The following TENM1 variants were observed in gnomAD, a reference collection of about 807,000 sequenced individuals.
The protein encoded by TENM1 is teneurin transmembrane protein 1.
Under a neutral mutation model 174.8 loss-of-function variants are expected in TENM1, and 35 were observed. The observed-to-expected ratio is 0.20, with a 90% CI of 0.15 to 0.27. The LOEUF (loss-of-function observed/expected upper bound fraction) is 0.27. Among genes scored for constraint, TENM1 ranks in the 10% least tolerant of loss-of-function variants. The pLI, the probability that TENM1 is intolerant of heterozygous loss-of-function variation, is 1.00. For missense variants in TENM1, 1,633 were observed against 2,130.1 expected (o/e 0.77, Z 4.59); for synonymous variants, 781 against 798.7 (o/e 0.98, Z 0.37).
At chrX:124,942,756 T>C (rs892872531) in intron 1 of TENM1, among the ~76,000 whole-genome samples, 11 of 111,750 alleles carry the variant, frequency 9.8e-5, no homozygotes, top group Non-Finnish European at 1.9e-4. Flanking sequence ...AGCATATAAC[T>C]TGGAAGTCAT....
intron 3 of TENM1, among the ~76,000 whole-genome samples, chrX:124,817,062 C>T (rs2055912940): frequency 9.1e-6 from 1 of 110,217 alleles, no homozygotes; most frequent in Non-Finnish European, 1.9e-5. Flanking sequence ...CAACAGGCCC[C>T]AATGTGTGAT....
exon 3 of TENM1, chrX:124,894,320 C>T (rs1377426701): frequency 3.3e-6 from 4 of 1,200,450 alleles, no homozygotes; most frequent in Non-Finnish European, 4.5e-6. Flanking sequence ...GCTTGAGCCT[C>T]CATGTCACAA....
the TENM1 span, among the ~76,000 whole-genome samples, chrX:124,990,580 T>C: frequency 8.9e-6 from 1 of 112,894 alleles, no homozygotes; most frequent in African/African-American, 3.2e-5. Context: ...TAATATCACC[T>C]TCTCCCACAA....
At chrX:124,858,223 T>G (rs978324761) in intron 3 of TENM1, among the ~76,000 whole-genome samples, 3 of 112,604 alleles carry the variant, frequency 2.7e-5, no homozygotes, top group Non-Finnish European at 3.8e-5. Context: ...TGCTAACAGA[T>G]GTTTTCACTT....
At chrX:125,127,039 A>G in the TENM1 span, among the ~76,000 whole-genome samples, 1 of 111,586 alleles carries the variant, frequency 9.0e-6, no homozygotes, top group African/African-American at 3.3e-5. Context: ...ATGAACTCTC[A>G]TTTGGCCACT....
the TENM1 span, among the ~76,000 whole-genome samples, chrX:125,196,381 T>C: frequency 2.7e-5 from 3 of 111,639 alleles, no homozygotes; most frequent in East Asian, 2.8e-4. Flanking sequence ...CCACAATGTA[T>C]GTATGTTTTC....
intron 4 of TENM1, among the ~76,000 whole-genome samples, chrX:124,715,614 TTTTTCCTTTTCTTTTC>T (rs372688942): frequency 1.6e-3 from 178 of 110,496 alleles, no homozygotes; most frequent in Non-Finnish European, 2.8e-3. Context: ...CTTTTCTTTT[TTTTTCCTTTTCTTTTC>T]TTTTCCTTTT....
chrX:124,969,278 CAGAT>C, the TENM1 span, among the ~76,000 whole-genome samples: 1 of 112,501 alleles, frequency 8.9e-6, no homozygotes, highest in African/African-American at 3.2e-5. Flanking sequence ...AAGATGCCTT[CAGAT>C]AGTCCACAAA....
At chrX:125,198,545 G>A in the TENM1 span, among the ~76,000 whole-genome samples, 1 of 111,794 alleles carries the variant, frequency 8.9e-6, no homozygotes, top group Non-Finnish European at 1.9e-5. Flanking sequence ...AATTGCTTGA[G>A]TAGGGACAAA....
chrX:124,786,243 T>C (rs1344016861), intron 3 of TENM1, among the ~76,000 whole-genome samples: 6 of 111,598 alleles, frequency 5.4e-5, no homozygotes, highest in South Asian at 3.7e-4. Context: ...CACGAATAAA[T>C]AGGTATTTGC....
At chrX:125,052,294 G>A in the TENM1 span, among the ~76,000 whole-genome samples, 8 of 111,345 alleles carry the variant, frequency 7.2e-5, no homozygotes, top group Admixed American at 4.8e-4. Flanking sequence ...ACAGAAAATT[G>A]GGAAATCTCA....
intron 3 of TENM1, among the ~76,000 whole-genome samples, chrX:124,752,968 C>T (rs757932969): frequency 1.4e-4 from 16 of 110,867 alleles, no homozygotes; most frequent in Middle Eastern, 4.6e-3. Flanking sequence ...ATTGACTTGG[C>T]GATGCGGGCT....
chrX:124,940,071 A>G (rs2058303696), intron 1 of TENM1, among the ~76,000 whole-genome samples: 1 of 112,161 alleles, frequency 8.9e-6, no homozygotes, highest in African/African-American at 3.2e-5. Flanking sequence ...AAAAATTCTC[A>G]TTGAATGATG....
chrX:124,635,977 GC>G (rs1224187152), intron 11 of TENM1, among the ~76,000 whole-genome samples: 1 of 111,993 alleles, frequency 8.9e-6, no homozygotes, highest in Admixed American at 9.4e-5. Flanking sequence ...GGTTAAAGAA[GC>G]CTATATCAAA....
At chrX:124,900,301 T>C (rs1052512342) in intron 1 of TENM1, among the ~76,000 whole-genome samples, 3 of 111,866 alleles carry the variant, frequency 2.7e-5, no homozygotes, top group Non-Finnish European at 5.6e-5. Context: ...AATCTACATA[T>C]GGTATGCTTC....
intron 1 of TENM1, among the ~76,000 whole-genome samples, chrX:124,923,138 C>G (rs1337138523): frequency 8.9e-6 from 1 of 111,944 alleles, no homozygotes; most frequent in Non-Finnish European, 1.9e-5. Flanking sequence ...TATTTCACAA[C>G]TGTAACTGCA....
chrX:125,028,151 A>G, the TENM1 span, among the ~76,000 whole-genome samples: 13 of 112,144 alleles, frequency 1.2e-4, no homozygotes, highest in South Asian at 7.3e-4. Context: ...AATACTCATA[A>G]GAATATTTAC....
intron 3 of TENM1, among the ~76,000 whole-genome samples, chrX:124,860,436 A>G (rs2056891388): frequency 8.9e-6 from 1 of 112,098 alleles, no homozygotes; most frequent in Non-Finnish European, 1.9e-5. Flanking sequence ...CAGAACACTG[A>G]AGAACATGCA....
chrX:124,672,119 C>T (rs1048956703), intron 5 of TENM1, among the ~76,000 whole-genome samples: 2 of 111,590 alleles, frequency 1.8e-5, no homozygotes, highest in African/African-American at 6.5e-5. Flanking sequence ...TTAGACTTAA[C>T]TTCTCACTGC....
Sources: allele counts gnomAD v4.1 joint callset (sites outside exome capture counted in the v4.1 genomes callset), GRCh38; gene constraint gnomAD v4.1.1; transcripts MANE v1.5; gene names NCBI Gene and HGNC (gene_info 2026-07-23, HGNC 2026-07-21).